CFAP47: variants seen among roughly 807,000 people sequenced by gnomAD.
CFAP47 encodes cilia- and flagella-associated protein 47.
Under a neutral mutation model 148.1 loss-of-function variants are expected in CFAP47, and 29 were observed. The observed-to-expected ratio is 0.20, with a 90% confidence interval of 0.15 to 0.27. CFAP47 has a LOEUF of 0.27. Among genes scored for constraint, CFAP47 ranks in the 10% least tolerant of loss-of-function variants. CFAP47 has a pLI of 1.00. For missense variants in CFAP47, 1,872 were observed against 1,697.5 expected (o/e 1.10, Z -1.81); for synonymous variants, 664 against 577.3 (o/e 1.15, Z -2.15).
chrX:36,138,442 T>C lies in CFAP47; in HGVS notation c.5513T>C (p.Ile1838Thr), dbSNP rs1939083766. The change falls in exon 35 of 64, where the codon ATT (isoleucine) becomes ACT (threonine). Residue 1838 changes from isoleucine (I) to threonine (T), a missense_variant. Coordinates refer to ENST00000378653, the MANE Select transcript of CFAP47 (RefSeq NM_001304548.2). ...ATTATTGTAAATACTCTTTATGAAA[T>C]TGACTTTGACGTGGAAATACAGGTG... is the stretch of plus-strand genomic sequence containing the variant. ...CLIIVNTLYE[I>T]DFDVEIQATD... is the part of the protein sequence containing the mutation. The C allele has an allele frequency of 8.7e-7, 1 of 1,155,704 alleles. No homozygotes were observed.
intron 25 of CFAP47, among the ~76,000 whole-genome samples, chrX:36,041,013 T>C (rs944983425): frequency 5.4e-5 from 6 of 111,915 alleles, no homozygotes; most frequent in Admixed American, 9.5e-5. Flanking sequence ...TAACCTTAAA[T>C]ACTGATATTA....
intron 56 of CFAP47, among the ~76,000 whole-genome samples, chrX:36,317,686 G>A (rs1556011287): frequency 1.8e-5 from 2 of 109,420 alleles, no homozygotes; most frequent in African/African-American, 6.7e-5. Flanking sequence ...CCAAAGTGCT[G>A]GGATTACAGG....
intron 23 of CFAP47, among the ~76,000 whole-genome samples, chrX:36,035,298 C>A (rs1057125486): frequency 9.0e-6 from 1 of 111,635 alleles, no homozygotes; most frequent in African/African-American, 3.2e-5. Flanking sequence ...TTCAAAGTTA[C>A]TGACGTCAAT....
rs1936155032 is a variant in CFAP47 at position 35,951,029 on chromosome X, A to G, written c.657-102A>G. 4 of 548,854 alleles carry G rather than the reference A, an allele frequency of 7.3e-6. No homozygotes were observed. The South Asian group carries it at 1.3e-4, about 18-fold the overall frequency. 45.2% of individuals were successfully genotyped at this position (548,854 alleles called of 1,213,427 possible). ...GCTACTGAATTTTAATGATAATGTG[A>G]TTCTATAAAGTTTCTGTTTGTCGAA... On this transcript the variant is annotated intron_variant, in intron 4 of 63. Coordinates refer to ENST00000378653, the MANE Select transcript of CFAP47 (RefSeq NM_001304548.2).
intron 42 of CFAP47, among the ~76,000 whole-genome samples, chrX:36,198,812 A>G (rs1166709344): frequency 9.0e-6 from 1 of 111,270 alleles, no homozygotes; most frequent in Non-Finnish European, 1.9e-5. Context: ...GGCTTGAACT[A>G]GTTTTTCAGG....
intron 62 of CFAP47, among the ~76,000 whole-genome samples, chrX:36,376,619 C>T (rs781910317): frequency 9.0e-6 from 1 of 111,645 alleles, no homozygotes; most frequent in Non-Finnish European, 1.9e-5. Flanking sequence ...CAATATAGTT[C>T]GTTTTATTAT....
At chrX:36,244,088 A>ATG in intron 48 of CFAP47, among the ~76,000 whole-genome samples, 1 of 111,454 alleles carries the variant, frequency 9.0e-6, no homozygotes, top group East Asian at 2.8e-4. Context: ...AAGATTTCTC[A>ATG]AAACCACACA....
intron 39 of CFAP47, among the ~76,000 whole-genome samples, chrX:36,171,662 T>C (rs1482523788): frequency 8.9e-6 from 1 of 111,767 alleles, no homozygotes; most frequent in Non-Finnish European, 1.9e-5. Context: ...TCTATATCTC[T>C]GTTTTGGTAC....
At chrX:35,935,082 A>G (rs1935890186) in intron 2 of CFAP47, among the ~76,000 whole-genome samples, 1 of 111,369 alleles carries the variant, frequency 9.0e-6, no homozygotes, top group Admixed American at 9.5e-5. Flanking sequence ...GTGTCTTAGT[A>G]GGTTGTGTGT....
At chrX:36,143,906 G>A (rs1413429732) in intron 35 of CFAP47, among the ~76,000 whole-genome samples, 2 of 110,822 alleles carry the variant, frequency 1.8e-5, no homozygotes, top group African/African-American at 6.6e-5. Flanking sequence ...GTTATTTCTT[G>A]TTCAGAAATC....
In CFAP47 at chrX:36,133,292, A is replaced by G. The variant is rs150072265; in HGVS notation, c.5321-4666A>G. On this transcript the variant is annotated intron_variant, in intron 33 of 63. Transcript: ENST00000378653. ...GTGTAGGGGCAGGCAATTCACTCCG[A>G]CTTCTGTATATCTGTCTTAGTCCAT... 3.2e-4 allele frequency among the ~76,000 whole-genome samples: 35 copies of G among 111,060 alleles called. No individual in the cohort carries two copies. In the East Asian group the frequency reaches 9.4e-3, roughly 30 times the overall value.
At position 35,968,450 on chromosome X, in the gene CFAP47, C is replaced by T. The variant is rs145389565; in HGVS notation, c.1814+618C>T. On this transcript the variant is annotated intron_variant, in intron 10 of 63. Transcript: ENST00000378653. The stretch of plus-strand genomic sequence containing the variant: ...TTAGTGAGAAGTGAACCAGGCATCC[C>T]GACATGCTTATCTGGGCCCTGTGCC... Among the ~76,000 whole-genome samples the T allele has an allele frequency of 5.9e-3, 655 of 111,662 alleles. 7 individuals are homozygous for T. The highest frequency in any genetic ancestry group is 0.02 in the African/African-American group (629 of 30,835).
chrX:36,169,186 C>T (rs1038374448), intron 39 of CFAP47, among the ~76,000 whole-genome samples: 1 of 110,892 alleles, frequency 9.0e-6, no homozygotes, highest in East Asian at 2.8e-4. Flanking sequence ...TTTTGTATTG[C>T]TACTTACAAG....
intron 50 of CFAP47, among the ~76,000 whole-genome samples, chrX:36,280,942 A>G (rs1941072868): frequency 8.9e-6 from 1 of 112,351 alleles, no homozygotes; most frequent in Non-Finnish European, 1.9e-5. Context: ...GTTAATGAGT[A>G]TATTGTTTTA....
rs781828253 is a variant in CFAP47, at chrX:36,303,885, G to T, written c.8007G>T (p.Thr2669=). Residue 2669 remains threonine (T), a synonymous_variant, in exon 54 of 64, where the codon ACG becomes ACT. Coordinates refer to ENST00000378653, the MANE Select transcript of CFAP47 (RefSeq NM_001304548.2). ...VTQIIPLVNC[T]HETLKLQVTN... ...AGATCATTCCTTTAGTTAATTGTACGCATGAAACCTTAAAATTGCAAGTAA... is the reference window on the plus strand; with the variant it reads ...AGATCATTCCTTTAGTTAATTGTACTCATGAAACCTTAAAATTGCAAGTAA... 1.8e-6 allele frequency: 2 copies of T among 1,140,220 alleles called. No homozygotes were observed. The highest frequency in any genetic ancestry group is 2.3e-6 in the Non-Finnish European group (2 of 855,626). 94.0% of individuals were successfully genotyped at this position (1,140,220 alleles called of 1,213,427 possible).
intron 29 of CFAP47, 140 bp from the exon 30 acceptor site, chrX:36,085,174 C>A: frequency 1.3e-5 from 5 of 386,426 alleles, no homozygotes; most frequent in Non-Finnish European, 1.4e-5. Context: ...CAAATGGTAG[C>A]CTAGTGAAGT....
In CFAP47 at chrX:35,970,926, A is replaced by C; in HGVS notation, c.1970+3A>C. 3 of 1,188,660 alleles carry C rather than the reference A, an allele frequency of 2.5e-6. No homozygotes were observed. Among genetic ancestry groups the C allele is most frequent in the Non-Finnish European group, 3.4e-6 (3 of 885,237 alleles). ...TTGCAGAAGAAACAAGCAGAGAGGT[A>C]ATGTTCAGTTCCTCAAAAAATATGC... On this transcript the variant is annotated splice_donor_region_variant and intron_variant, in intron 11 of 63. Transcript: ENST00000378653.
chrX:36,130,375 T>C (rs752850455), intron 33 of CFAP47, among the ~76,000 whole-genome samples: 1 of 111,501 alleles, frequency 9.0e-6, no homozygotes, highest in East Asian at 2.8e-4. Context: ...TACAGTGAGA[T>C]ATCATTTAAC....
intron 49 of CFAP47, among the ~76,000 whole-genome samples, chrX:36,264,460 G>A (rs1450544099): frequency 8.9e-6 from 1 of 111,996 alleles, no homozygotes; most frequent in Non-Finnish European, 1.9e-5. Flanking sequence ...CCCCTCTGGC[G>A]AGGACTGGTT....
Sources: allele counts gnomAD v4.1 joint callset (sites outside exome capture counted in the v4.1 genomes callset), GRCh38; gene constraint gnomAD v4.1.1; transcripts MANE v1.5; gene names NCBI Gene and HGNC (gene_info 2026-07-23, HGNC 2026-07-21).